DLG2: variants seen among roughly 807,000 people sequenced by gnomAD.
DLG2 encodes the protein discs large MAGUK scaffold protein 2.
DLG2 carries 45 observed loss-of-function variants against 132.5 expected under a neutral mutation model. The observed-to-expected ratio is 0.34, with a 90% CI of 0.27 to 0.44. The LOEUF (loss-of-function observed/expected upper bound fraction) is 0.44, where lower values mean the gene tolerates loss of function less well. Among genes scored for constraint, DLG2 ranks in the 20% least tolerant of loss-of-function variants. The probability of loss-of-function intolerance (pLI) is 1.00; values close to 1 mark genes in which losing one functional copy is unlikely to be tolerated. For synonymous variants in DLG2, 424 were observed against 419.6 expected, an observed-to-expected ratio of 1.01 and a Z score of -0.13; for missense variants, 1,045 against 1,196.9, an observed-to-expected ratio of 0.87 and a Z score of 1.87.
chr11:85,411,983 A>G (rs991816971), intron 3 of DLG2, among the ~76,000 whole-genome samples: 1 of 151,796 alleles, frequency 6.6e-6, no homozygotes, highest in Non-Finnish European at 1.5e-5. Context: ...AATCCATTCT[A>G]TTCTCCCCTA....
chr11:84,409,278 G>A (rs2098884152), intron 7 of DLG2, among the ~76,000 whole-genome samples: 1 of 152,132 alleles, frequency 6.6e-6, no homozygotes, highest in African/African-American at 2.4e-5. Context: ...TCAGGACTTA[G>A]AAGGGCCCTT....
At chr11:83,933,940 T>C (rs1235013355) in intron 14 of DLG2, among the ~76,000 whole-genome samples, 1 of 152,218 alleles carries the variant, frequency 6.6e-6, no homozygotes, top group East Asian at 1.9e-4. Context: ...GATGCAAACA[T>C]GGAGAAGGTA....
intron 7 of DLG2, among the ~76,000 whole-genome samples, chr11:84,527,476 C>G (rs1007091557): frequency 1.7e-4 from 26 of 152,144 alleles, no homozygotes; most frequent in African/African-American, 6.0e-4. Context: ...TATATATACT[C>G]AACAAGTGCC....
chr11:85,567,251 C>G (rs1467514916), intron 3 of DLG2, among the ~76,000 whole-genome samples: 4 of 152,150 alleles, frequency 2.6e-5, no homozygotes, highest in Admixed American at 2.0e-4. Context: ...GAATCTATAT[C>G]AATACAGGAA....
At chr11:84,314,051 G>C (rs967784920) in intron 7 of DLG2, among the ~76,000 whole-genome samples, 3 of 152,176 alleles carry the variant, frequency 2.0e-5, no homozygotes, top group Non-Finnish European at 4.4e-5. Context: ...AATAACAGGA[G>C]TTTGGAAAAG....
At chr11:85,253,411 C>T (rs954527937) in intron 4 of DLG2, among the ~76,000 whole-genome samples, 3 of 152,136 alleles carry the variant, frequency 2.0e-5, no homozygotes, top group Non-Finnish European at 4.4e-5. Flanking sequence ...ACTGGCTGGC[C>T]ACTTTAGTGC....
chr11:84,744,408 G>A (rs2065090603), intron 6 of DLG2, among the ~76,000 whole-genome samples: 1 of 152,058 alleles, frequency 6.6e-6, no homozygotes, highest in African/African-American at 2.4e-5. Context: ...TCATGCTGTG[G>A]CAAATTTCTG....
At chr11:83,732,079 G>A in intron 18 of DLG2, among the ~76,000 whole-genome samples, 1 of 152,124 alleles carries the variant, frequency 6.6e-6, no homozygotes, top group East Asian at 1.9e-4. Context: ...ATTGTCAGAA[G>A]AGACTGACTG....
chr11:83,781,901 C>T (rs1180564168), intron 18 of DLG2, among the ~76,000 whole-genome samples: 1 of 152,144 alleles, frequency 6.6e-6, no homozygotes, highest in Non-Finnish European at 1.5e-5. Flanking sequence ...TGGGGAAATG[C>T]TGTGTTATCT....
intron 14 of DLG2, among the ~76,000 whole-genome samples, chr11:83,934,657 T>C (rs2081068768): frequency 6.6e-6 from 1 of 152,184 alleles, no homozygotes; most frequent in Admixed American, 6.5e-5. Context: ...TTTATTGAGT[T>C]TTCTAACTCC....
chr11:83,827,278 G>T (rs2053127525), intron 17 of DLG2, among the ~76,000 whole-genome samples: 1 of 152,088 alleles, frequency 6.6e-6, no homozygotes, highest in Non-Finnish European at 1.5e-5. Flanking sequence ...GACCTTATCA[G>T]TACCCCAAGA....
chr11:85,507,116 G>C (rs1227151261), intron 3 of DLG2, among the ~76,000 whole-genome samples: 2 of 152,138 alleles, frequency 1.3e-5, no homozygotes, highest in African/African-American at 2.4e-5. Flanking sequence ...CTGCACGTTA[G>C]ATGGGTCTCC....
chr11:85,445,065 A>T (rs975814863), intron 3 of DLG2, among the ~76,000 whole-genome samples: 24 of 152,238 alleles, frequency 1.6e-4, no homozygotes, highest in African/African-American at 4.8e-4. Flanking sequence ...GGGGAATAAA[A>T]GTGTACTAAA....
At chr11:84,837,741 C>T (rs112459292) in intron 6 of DLG2, among the ~76,000 whole-genome samples, 14 of 151,928 alleles carry the variant, frequency 9.2e-5, no homozygotes, top group African/African-American at 2.7e-4. Context: ...ACATAGAGAG[C>T]AATATCAGTG....
At chr11:84,283,502 TTAAG>T (rs777010051) in intron 7 of DLG2, among the ~76,000 whole-genome samples, 1 of 152,214 alleles carries the variant, frequency 6.6e-6, no homozygotes, top group Non-Finnish European at 1.5e-5. Context: ...CAAGTAAGAA[TTAAG>T]TAATAGATCT....
At chr11:85,253,457 CCCTCACCAGAGGGAGGGTGAA>C (rs2076501911) in intron 4 of DLG2, among the ~76,000 whole-genome samples, 1 of 152,124 alleles carries the variant, frequency 6.6e-6, no homozygotes, top group Admixed American at 6.5e-5. Flanking sequence ...GCTGCTCCAC[CCCTCACCAGAGGGAGGGTGAA>C]TAGAAGCAGG....
intron 12 of DLG2, among the ~76,000 whole-genome samples, chr11:83,966,731 G>A (rs1209364061): frequency 6.6e-6 from 1 of 151,962 alleles, no homozygotes; most frequent in African/African-American, 2.4e-5. Flanking sequence ...CATCATCATA[G>A]TTATAATTTT....
At chr11:84,888,944 G>C (rs1414826328) in intron 6 of DLG2, among the ~76,000 whole-genome samples, 1 of 152,046 alleles carries the variant, frequency 6.6e-6, no homozygotes, top group African/African-American at 2.4e-5. Flanking sequence ...AGGTAGATCT[G>C]GGTTTATTAT....
chr11:84,688,398 G>T (rs1346984681), intron 6 of DLG2, among the ~76,000 whole-genome samples: 1 of 152,092 alleles, frequency 6.6e-6, no homozygotes, highest in Non-Finnish European at 1.5e-5. Context: ...GTAAAGAGTG[G>T]TTAGCTTTTA....
Sources: allele counts gnomAD v4.1 joint callset (sites outside exome capture counted in the v4.1 genomes callset), GRCh38; gene constraint gnomAD v4.1.1; transcripts MANE v1.5; gene names NCBI Gene and HGNC (gene_info 2026-07-23, HGNC 2026-07-21).